FAM227B: variants seen among roughly 807,000 people sequenced by gnomAD.
The protein encoded by FAM227B is protein FAM227B.
In FAM227B, 88 loss-of-function variants were observed where a neutral mutation model predicts 73.8. That is an observed-to-expected ratio of 1.19 (90% CI 1.00 to 1.42). The LOEUF (loss-of-function observed/expected upper bound fraction) is 1.42, where lower values mean the gene tolerates loss of function less well. Among genes scored for constraint, FAM227B ranks in the 40% most tolerant of loss-of-function variants. The probability of loss-of-function intolerance (pLI) is 0.00; values close to 1 mark genes in which losing one functional copy is unlikely to be tolerated. For synonymous variants in FAM227B, 210 were observed against 190.5 expected, an observed-to-expected ratio of 1.10 and a Z score of -0.84; for missense variants, 632 against 590.9, an observed-to-expected ratio of 1.07 and a Z score of -0.72.
In FAM227B at chr15:49,345,256, A is replaced by G. The variant is rs138916452; in HGVS notation, c.1272-9760T>C. Among the ~76,000 whole-genome samples the G allele has an allele frequency of 1.9e-3, 288 of 152,330 alleles. 2 individuals are homozygous for G. Among genetic ancestry groups the G allele is most frequent in the African/African-American group, 6.4e-3 (267 of 41,574 alleles). The stretch of plus-strand genomic sequence containing the variant: ...TTCTTATAAATTATTAATTTTGAAC[A>G]TATGACTTTATTGAAATGAACTGGG... On this transcript the variant is annotated intron_variant, in intron 13 of 15. Coordinates refer to ENST00000299338, the MANE Select transcript of FAM227B (RefSeq NM_152647.3).
At chr15:49,451,019 T>C (rs1047682721) in intron 11 of FAM227B, among the ~76,000 whole-genome samples, 2 of 152,228 alleles carry the variant, frequency 1.3e-5, no homozygotes, top group South Asian at 4.1e-4. Flanking sequence ...TGGGGAAATA[T>C]ATGTCTAAAA....
At chr15:49,513,464 T>C (rs1427059247) in intron 10 of FAM227B, among the ~76,000 whole-genome samples, 2 of 152,224 alleles carry the variant, frequency 1.3e-5, no homozygotes, top group Non-Finnish European at 2.9e-5. Context: ...TTTTTTCTTG[T>C]AAATTTGTTT....
chr15:49,547,865 C>T (rs533024395), intron 9 of FAM227B, among the ~76,000 whole-genome samples: 3 of 152,272 alleles, frequency 2.0e-5, no homozygotes, highest in South Asian at 4.1e-4. Flanking sequence ...TACAGCAACA[C>T]AGTAATAGTA....
chr15:49,414,166 G>A (rs2049054936), intron 11 of FAM227B, among the ~76,000 whole-genome samples: 1 of 152,050 alleles, frequency 6.6e-6, no homozygotes, highest in African/African-American at 2.4e-5. Context: ...GTAATTAGCT[G>A]AGTTATCAGT....
At chr15:49,433,036 C>T (rs1273783438) in intron 11 of FAM227B, among the ~76,000 whole-genome samples, 1 of 151,420 alleles carries the variant, frequency 6.6e-6, no homozygotes, top group Non-Finnish European at 1.5e-5. Context: ...AAATTTGTTG[C>T]TATTTCAATT....
At chr15:49,434,185 A>G (rs924805885) in intron 11 of FAM227B, among the ~76,000 whole-genome samples, 1 of 151,600 alleles carries the variant, frequency 6.6e-6, no homozygotes, top group Admixed American at 6.6e-5. Flanking sequence ...TCTGGTTCAT[A>G]TTGAGGCAGC....
At chr15:49,427,334 T>A (rs1852506455) in intron 11 of FAM227B, among the ~76,000 whole-genome samples, 1 of 152,056 alleles carries the variant, frequency 6.6e-6, no homozygotes, top group Non-Finnish European at 1.5e-5. Context: ...AATGAAAGAA[T>A]GTTTCCTTCC....
rs1330200460 is a variant in FAM227B at position 49,335,440 on chromosome 15, C to G, written c.1328G>C (p.Arg443Thr). ...VIKEAKRQFARNQKDFRILQA... is the reference protein window; with the variant it reads ...VIKEAKRQFATNQKDFRILQA... ...TTACATCCTAAAATCCTTTTGGTTC[C>G]TTGCAAATTGTCTTTTTGCCTCCTT... is the stretch of plus-strand genomic sequence containing the variant. The change falls in exon 14 of 16, where the codon AGG becomes ACG. Residue 443 changes from arginine to threonine, a missense_variant. Transcript: ENST00000299338. 6.2e-7 allele frequency: 1 copy of G among 1,612,594 alleles called. No individual in the cohort carries two copies. Among genetic ancestry groups the G allele is most frequent in the Admixed American group, 1.7e-5 (1 of 60,016 alleles).
intron 11 of FAM227B, among the ~76,000 whole-genome samples, chr15:49,499,313 C>G (rs988483877): frequency 2.0e-5 from 3 of 151,310 alleles, no homozygotes; most frequent in Non-Finnish European, 4.4e-5. Flanking sequence ...CATGAATAAT[C>G]AAAATTGAAA....
intron 11 of FAM227B, among the ~76,000 whole-genome samples, chr15:49,476,232 G>T (rs55962908): frequency 0.24 from 13,285 of 54,316 alleles, 1,564 homozygotes; most frequent in East Asian, 0.46. Flanking sequence ...TTTGTTTTTG[G>T]TTTTTTTTTT....
intron 11 of FAM227B, among the ~76,000 whole-genome samples, chr15:49,499,354 ATG>A (rs1461718613): frequency 6.6e-6 from 1 of 152,098 alleles, no homozygotes; most frequent in Non-Finnish European, 1.5e-5. Flanking sequence ...TTGGAAAAAG[ATG>A]TGTCTGTATA....
intron 11 of FAM227B, among the ~76,000 whole-genome samples, chr15:49,502,959 A>C (rs992658912): frequency 6.6e-6 from 1 of 152,158 alleles, no homozygotes. Flanking sequence ...GGCACCCCGC[A>C]TTGCCAAGTC....
At chr15:49,437,019 G>C (rs2051166637) in intron 11 of FAM227B, among the ~76,000 whole-genome samples, 2 of 151,370 alleles carry the variant, frequency 1.3e-5, no homozygotes, top group African/African-American at 4.8e-5. Context: ...AGTTTATTTT[G>C]CTTACACATT....
chr15:49,573,904 T>A (rs562114310), intron 8 of FAM227B, among the ~76,000 whole-genome samples: 1 of 152,188 alleles, frequency 6.6e-6, no homozygotes, highest in African/African-American at 2.4e-5. Flanking sequence ...GATTTGTGTA[T>A]TTCTCTTTGA....
rs1598539295 is a variant in FAM227B at position 49,609,624 on chromosome 15, T to C, written c.105+1591A>G. On this transcript the variant is annotated intron_variant, in intron 3 of 15. Transcript: ENST00000299338. ...CTATGTGCCTGGCACATAGCAGGTG[T>C]TCAAAAATATTTCTTAAATGAATTC... Among the ~76,000 whole-genome samples, 2 of 152,030 alleles carry C rather than the reference T, an allele frequency of 1.3e-5. 1 individual carries two copies. Among genetic ancestry groups the C allele is most frequent in the East Asian group, 3.9e-4 (2 of 5,184 alleles).
chr15:49,369,017 A>C (rs1276650710), intron 12 of FAM227B, among the ~76,000 whole-genome samples: 1 of 152,100 alleles, frequency 6.6e-6, no homozygotes, highest in Non-Finnish European at 1.5e-5. Flanking sequence ...GGAGTGCAGT[A>C]GCGTGATCTT....
intron 9 of FAM227B, among the ~76,000 whole-genome samples, chr15:49,564,642 G>A (rs1211132982): frequency 1.3e-5 from 2 of 151,908 alleles, no homozygotes; most frequent in Non-Finnish European, 2.9e-5. Context: ...TATACAACAT[G>A]GAATACTATA....
chr15:49,472,345 A>C (rs1275050268), intron 11 of FAM227B, among the ~76,000 whole-genome samples: 1 of 152,192 alleles, frequency 6.6e-6, no homozygotes, highest in Non-Finnish European at 1.5e-5. Context: ...CCCAAGGTAG[A>C]ATCCAAATTC....
At chr15:49,611,056 G>A (rs1751544239) in intron 3 of FAM227B, among the ~76,000 whole-genome samples, 159 bp downstream of exon 3, 1 of 152,042 alleles carries the variant, frequency 6.6e-6, no homozygotes, top group Non-Finnish European at 1.5e-5. Flanking sequence ...CTACAACATA[G>A]AGCCTACTCA....
Sources: allele counts gnomAD v4.1 joint callset (sites outside exome capture counted in the v4.1 genomes callset), GRCh38; gene constraint gnomAD v4.1.1; transcripts MANE v1.5; gene names NCBI Gene and HGNC (gene_info 2026-07-23, HGNC 2026-07-21).